Variants in CPXM2 observed in about 807,000 individuals in gnomAD.
CPXM2 encodes carboxypeptidase X, M14 family member 2.
Under a neutral mutation model 86.1 loss-of-function variants are expected in CPXM2, and 66 were observed. That is an observed-to-expected ratio of 0.77 (90% CI 0.63 to 0.94). The LOEUF is 0.94. Among genes scored for constraint, CPXM2 ranks in the 40% least tolerant of loss-of-function variants. The pLI is 0.00. For synonymous variants in CPXM2, 388 were observed against 400.2 expected (o/e 0.97, Z 0.36); for missense variants, 948 against 1,026.3 (o/e 0.92, Z 1.04).
intron 4 of CPXM2, among the ~76,000 whole-genome samples, chr10:123,804,939 C>G (rs1056968533): frequency 6.6e-6 from 1 of 151,944 alleles, no homozygotes; most frequent in Non-Finnish European, 1.5e-5. Context: ...TTCAGCTAGT[C>G]GACTGTGTAA....
Position 123,761,789 on chromosome 10 carries a change from T to C in CPXM2, c.1777+83A>G, listed in dbSNP as rs533803139. The C allele has an allele frequency of 5.1e-6, 7 of 1,371,936 alleles. No homozygotes were observed. In the African/African-American group the frequency reaches 1.0e-4, roughly 20 times the overall value. 85.0% of individuals were successfully genotyped at this position (1,371,936 alleles called of 1,614,324 possible). On this transcript the variant is annotated intron_variant, in intron 11 of 13. Coordinates refer to ENST00000241305, the MANE Select transcript of CPXM2 (RefSeq NM_198148.3). Reference sequence around the variant, plus strand: ...CCACCACTTAGTGACAACAGGACAGTAGTGACACCAGGAGGGCCAGGAGGA... The same window carrying C: ...CCACCACTTAGTGACAACAGGACAGCAGTGACACCAGGAGGGCCAGGAGGA...
intron 4 of CPXM2, among the ~76,000 whole-genome samples, chr10:123,816,924 T>C (rs1847825077): frequency 6.6e-6 from 1 of 152,236 alleles, no homozygotes; most frequent in Non-Finnish European, 1.5e-5. Flanking sequence ...ACTGGACTTA[T>C]TGGTGAGACA....
intron 4 of CPXM2, among the ~76,000 whole-genome samples, chr10:123,835,824 G>A (rs900269901): frequency 4.6e-5 from 7 of 152,184 alleles, no homozygotes; most frequent in African/African-American, 1.4e-4. Flanking sequence ...CAGGTCCCTT[G>A]GGAGGAACAA....
At chr10:123,782,655 G>A (rs559469706) in intron 6 of CPXM2, among the ~76,000 whole-genome samples, 1 of 152,286 alleles carries the variant, frequency 6.6e-6, no homozygotes, top group Non-Finnish European at 1.5e-5. Context: ...CGAGCCCAGA[G>A]TCCACAGACA....
chr10:123,839,658 AG>A (rs1342712379), intron 4 of CPXM2, among the ~76,000 whole-genome samples: 9 of 152,224 alleles, frequency 5.9e-5, no homozygotes, highest in African/African-American at 2.2e-4. Flanking sequence ...TCATGGCAAG[AG>A]AGAAAGGGAG....
intron 10 of CPXM2, among the ~76,000 whole-genome samples, chr10:123,763,116 T>C (rs1391314511): frequency 6.6e-6 from 1 of 152,182 alleles, no homozygotes; most frequent in Non-Finnish European, 1.5e-5. Flanking sequence ...CTTGGCTCAC[T>C]GCAACCTCCG....
In CPXM2 at chr10:123,835,859, C is replaced by A. The variant is rs541752039; in HGVS notation, c.653+6490G>T. Among the ~76,000 whole-genome samples, 9 of 152,308 alleles carry A rather than the reference C, an allele frequency of 5.9e-5. 1 individual carries two copies. In the South Asian group the frequency reaches 1.9e-3, roughly 32 times the overall value. On this transcript the variant is annotated intron_variant, in intron 4 of 13. Transcript: ENST00000241305. ...AGGGGACACAGAGGCCGGGACGATG[C>A]CTCAGGGGAGCAAAAAGCTGGATCC... is the stretch of plus-strand genomic sequence containing the variant.
chr10:123,881,922 C>T (rs1328814037), intron 1 of CPXM2, among the ~76,000 whole-genome samples: 1 of 152,150 alleles, frequency 6.6e-6, no homozygotes, highest in South Asian at 2.1e-4. Flanking sequence ...AATGAATGCA[C>T]GAATGAACAA....
chr10:123,829,374 A>ATTT (rs146304078), intron 4 of CPXM2, among the ~76,000 whole-genome samples: 5 of 146,884 alleles, frequency 3.4e-5, no homozygotes, highest in African/African-American at 7.6e-5. Context: ...GTGGAAAAAA[A>ATTT]ATTTTTTTTT....
chr10:123,927,766 C>A (rs2134283995), intron 2 of CPXM2, among the ~76,000 whole-genome samples: 1 of 152,348 alleles, frequency 6.6e-6, no homozygotes, highest in South Asian at 2.1e-4. Flanking sequence ...TTGTTACCCC[C>A]AGATGAGTAC....
chr10:123,794,368 C>A (rs1426969171), intron 6 of CPXM2, among the ~76,000 whole-genome samples: 2 of 152,210 alleles, frequency 1.3e-5, no homozygotes, highest in Non-Finnish European at 2.9e-5. Flanking sequence ...CAAGCACTGC[C>A]ACCCCAGTAT....
At chr10:123,799,328 AT>A in intron 4 of CPXM2, 129 bp from the exon 5 acceptor site, 1 of 1,000,370 alleles carries the variant, frequency 1.0e-6, no homozygotes, top group Non-Finnish European at 1.5e-6. Context: ...GCTCCAGGAC[AT>A]TTACAGCTCT....
At chr10:123,866,246 T>A (rs1269949146) in intron 2 of CPXM2, among the ~76,000 whole-genome samples, 3 of 152,072 alleles carry the variant, frequency 2.0e-5, no homozygotes, top group Non-Finnish European at 4.4e-5. Context: ...TCTATGCCAC[T>A]CAGCGTCCAA....
intron 4 of CPXM2, among the ~76,000 whole-genome samples, chr10:123,834,471 A>C (rs1325773053): frequency 6.6e-6 from 1 of 152,152 alleles, no homozygotes; most frequent in African/African-American, 2.4e-5. Context: ...CTGGGTTTTA[A>C]AAGGTGGGCA....
At chr10:123,847,016 G>A (rs936145429) in intron 3 of CPXM2, among the ~76,000 whole-genome samples, 2 of 152,030 alleles carry the variant, frequency 1.3e-5, no homozygotes, top group African/African-American at 4.8e-5. Flanking sequence ...AGTATTTCTT[G>A]GCTCAGTAAG....
At chr10:123,773,235 TTCCCTGGTTGTGGTTATCACC>T (rs1196948796) in intron 7 of CPXM2, among the ~76,000 whole-genome samples, 16 of 127,672 alleles carry the variant, frequency 1.3e-4, no homozygotes, top group Non-Finnish European at 2.3e-4. Flanking sequence ...TGGTTATCAC[TTCCCTGGTTGTGGTTATCACC>T]TCCCTGGTTG....
At chr10:123,800,900 C>T (rs1847443353) in intron 4 of CPXM2, among the ~76,000 whole-genome samples, 1 of 152,128 alleles carries the variant, frequency 6.6e-6, no homozygotes, top group African/African-American at 2.4e-5. Context: ...CTAGTTGACC[C>T]CTCCACTTAA....
chr10:123,892,915 G>T (rs115340830), upstream of CPXM2, among the ~76,000 whole-genome samples: 3 of 152,118 alleles, frequency 2.0e-5, no homozygotes, highest in African/African-American at 7.2e-5. Context: ...CGTGGGCCCG[G>T]CATCTCAGAG....
At chr10:123,869,109 A>AC (rs1356051706) in intron 2 of CPXM2, among the ~76,000 whole-genome samples, 2 of 152,360 alleles carry the variant, frequency 1.3e-5, no homozygotes, top group Middle Eastern at 3.4e-3. Context: ...AGAGATTTTA[A>AC]AAAAATCTTT....
Sources: allele counts gnomAD v4.1 joint callset (sites outside exome capture counted in the v4.1 genomes callset), GRCh38; gene constraint gnomAD v4.1.1; transcripts MANE v1.5; gene names NCBI Gene and HGNC (gene_info 2026-07-23, HGNC 2026-07-21).